The following WNK2 variants were observed in gnomAD, a reference collection of about 807,000 sequenced individuals.
WNK2 encodes the protein WNK lysine deficient protein kinase 2.
In WNK2, 67 loss-of-function variants were observed where a neutral mutation model predicts 192.1. The observed-to-expected ratio is 0.35, with a 90% CI of 0.29 to 0.43. The LOEUF (loss-of-function observed/expected upper bound fraction) is 0.43. Ranked by LOEUF, WNK2 falls within the 20% of genes least tolerant of loss-of-function variation. The probability of loss-of-function intolerance (pLI) is 1.00; values close to 1 mark genes in which losing one functional copy is unlikely to be tolerated. For synonymous variants in WNK2, 1,439 were observed against 1,393.9 expected (o/e 1.03, Z -0.72); for missense variants, 2,698 against 3,089.7 (o/e 0.87, Z 3.01).
chr9:93,270,831 T>G (rs1402426917), intron 19 of WNK2, among the ~76,000 whole-genome samples: 1 of 152,100 alleles, frequency 6.6e-6, no homozygotes, highest in Non-Finnish European at 1.5e-5. Context: ...GAACCATTCT[T>G]TATTTGAGGA....
intron 2 of WNK2, among the ~76,000 whole-genome samples, chr9:93,212,796 A>G (rs1835035971): frequency 6.6e-6 from 1 of 152,104 alleles, no homozygotes; most frequent in Non-Finnish European, 1.5e-5. Context: ...TTTAAAAGAG[A>G]GAGGAAGGTG....
intron 2 of WNK2, among the ~76,000 whole-genome samples, chr9:93,227,067 C>T (rs967080552): frequency 6.6e-6 from 1 of 151,716 alleles, no homozygotes; most frequent in African/African-American, 2.4e-5. Context: ...TAGCAGTGTG[C>T]CAGGTGGGGC....
chr9:93,255,088 C>T (rs1843096268), intron 9 of WNK2, among the ~76,000 whole-genome samples: 1 of 152,200 alleles, frequency 6.6e-6, no homozygotes, highest in Non-Finnish European at 1.5e-5. Flanking sequence ...GGTACAGTCA[C>T]CTTGGACCAG....
intron 2 of WNK2, among the ~76,000 whole-genome samples, chr9:93,186,103 G>A (rs1047957641): frequency 1.3e-5 from 2 of 152,192 alleles, no homozygotes; most frequent in African/African-American, 4.8e-5. Context: ...CCAGCAAGCC[G>A]TGGCTGCCCC....
At position 93,306,799 on chromosome 9, in the gene WNK2, C is replaced by T; in HGVS notation, c.6237C>T (p.Cys2079=). 1 of 1,614,074 alleles carries T rather than the reference C, an allele frequency of 6.2e-7. No homozygotes were observed. Among genetic ancestry groups the T allele is most frequent in the Non-Finnish European group, 8.5e-7 (1 of 1,179,890 alleles). The part of the protein sequence containing the change: ...VSIWSALKRL[C]LGKEHSSRSS... ...CAGGGTCTGCCCTGAAGCGTCTCTG[C>T]CTAGGCAAAGAACACAGCAGTAGTA... Residue 2079 remains cysteine (C), a synonymous_variant, in exon 27 of 30, where the codon TGC becomes TGT. Coordinates refer to ENST00000427277, the MANE Select transcript of WNK2 (RefSeq NM_006648.4).
At position 93,185,565 on chromosome 9, in the gene WNK2, G is replaced by A; in HGVS notation, c.636G>A (p.Gly212=). ...GRGSFKTVYK[G]LDTETWVEVA... ...GTTCCTTCAAGACGGTCTACAAGGG[G>A]CTGGACACGGAGACCTGGGTGGAGG... Residue 212 remains glycine, a synonymous_variant, in exon 2 of 30, where the codon GGG becomes GGA. Coordinates refer to ENST00000427277, the MANE Select transcript of WNK2 (RefSeq NM_006648.4). The A allele has an allele frequency of 6.2e-7, 1 of 1,612,822 alleles. No homozygotes were observed. The highest frequency in any genetic ancestry group is 8.5e-7 in the Non-Finnish European group (1 of 1,179,572).
rs146475760 is a variant in WNK2, at chr9:93,288,980, C to A, written c.4226C>A (p.Pro1409Gln). Residue 1409 changes from proline (P) to glutamine (Q), a missense_variant, in exon 20 of 30, where the codon CCA becomes CAA. By Grantham distance (76) the Pro-to-Gln change is moderately conservative. Around this residue, in one of 7 missense-constraint regions of WNK2, gnomAD observed 1,098 missense variants for 1,101.0 expected, o/e 1.00. Transcript: ENST00000427277. Reference sequence around the variant, plus strand: ...CCAGCCACCAGCACCATGCCAGAGCCAGCGTCAGGAACTGCCAGCCAGGCA... The same window carrying A: ...CCAGCCACCAGCACCATGCCAGAGCAAGCGTCAGGAACTGCCAGCCAGGCA... ...AAPATSTMPE[P>Q]ASGTASQAGG... 6.9e-4 allele frequency: 1,106 copies of A among 1,602,930 alleles called. 5 individuals are homozygous for A. The African/African-American group carries it at 0.013, about 19-fold the overall frequency.
chr9:93,216,674 G>C (rs942913273), intron 2 of WNK2, among the ~76,000 whole-genome samples: 6 of 151,758 alleles, frequency 4.0e-5, no homozygotes, highest in African/African-American at 1.5e-4. Flanking sequence ...AGCACCTGTG[G>C]TATCAGCTGC....
rs1224349286 is a variant in WNK2 at position 93,185,725 on chromosome 9, C to T, written c.681+115C>T. 4 of 1,211,104 alleles carry T rather than the reference C, an allele frequency of 3.3e-6. No individual in the cohort carries two copies. In the African/African-American group the frequency reaches 6.1e-5, roughly 18 times the overall value. 75.0% of individuals were successfully genotyped at this position (1,211,104 alleles called of 1,614,324 possible). A position where few individuals can be genotyped will look rare whatever the true frequency, so the allele number is the denominator to read the frequency against. On this transcript the variant is annotated intron_variant, in intron 2 of 29. Coordinates refer to ENST00000427277, the MANE Select transcript of WNK2 (RefSeq NM_006648.4). ...AAGAAGCCCTGGGGGCGGCGGGGCT[C>T]CATGTGTGTCACCCTCTGTGTGGAT...
chr9:93,312,213 T>C (rs1853789013), intron 28 of WNK2, among the ~76,000 whole-genome samples: 1 of 152,186 alleles, frequency 6.6e-6, no homozygotes, highest in Non-Finnish European at 1.5e-5. Context: ...TGCACGAAAG[T>C]TTTAAAATTT....
chr9:93,264,245 G>A lies in WNK2; in HGVS notation c.3696+212G>A, dbSNP rs548605334. On this transcript the variant is annotated intron_variant, in intron 16 of 29. Coordinates refer to ENST00000427277, the MANE Select transcript of WNK2 (RefSeq NM_006648.4). ...GGTTTGGAAGAACAGCTTGAAGGAT[G>A]TTCTAACCATTCTAAGATGCTGCTC... Among the ~76,000 whole-genome samples the A allele has an allele frequency of 5.9e-5, 9 of 152,314 alleles. No homozygotes were observed. The South Asian group carries it at 1.9e-3, about 32-fold the overall frequency.
chr9:93,227,268 C>A (rs1837981863), intron 2 of WNK2, among the ~76,000 whole-genome samples: 1 of 152,082 alleles, frequency 6.6e-6, no homozygotes, highest in South Asian at 2.1e-4. Context: ...CGCCCGCCAC[C>A]ACGCCCAGCT....
rs756043912 is a variant in WNK2 at position 93,299,073 on chromosome 9, A to G, written c.5927A>G (p.His1976Arg). 5.6e-6 allele frequency: 9 copies of G among 1,609,536 alleles called. No homozygotes were observed. The South Asian group carries it at 8.8e-5, about 16-fold the overall frequency. Reference protein sequence around the residue: ...QLKVVASSTGHLADSSRGPPA... With the variant: ...QLKVVASSTGRLADSSRGPPA... The stretch of plus-strand genomic sequence containing the variant: ...CGCCTCTTCTCCCCCCGCCCAGGTC[A>G]CTTGGCTGACTCCAGCAGAGGCCCT... Residue 1976 changes from histidine (H) to arginine (R), a missense_variant, in exon 25 of 30, where the codon CAC becomes CGC. Coordinates refer to ENST00000427277, the MANE Select transcript of WNK2 (RefSeq NM_006648.4).
rs182468961 is a variant in WNK2 at position 93,256,144 on chromosome 9, A to T, written c.2035-155A>T. 3.9e-5 allele frequency among the ~76,000 whole-genome samples: 6 copies of T among 152,264 alleles called. No homozygotes were observed. The East Asian group carries it at 7.7e-4, about 20-fold the overall frequency. The stretch of plus-strand genomic sequence containing the variant: ...CCCTTCACTGTTGTGAATGATGCCC[A>T]GGGCTCCCTCACTGCTTCTGCTGTC... On this transcript the variant is annotated intron_variant, in intron 9 of 29. Coordinates refer to ENST00000427277, the MANE Select transcript of WNK2 (RefSeq NM_006648.4).
intron 2 of WNK2, among the ~76,000 whole-genome samples, chr9:93,212,696 A>C (rs1219920222): frequency 6.6e-6 from 1 of 152,156 alleles, no homozygotes; most frequent in Non-Finnish European, 1.5e-5. Flanking sequence ...CATAGGACTG[A>C]GCCCTCAGGG....
intron 7 of WNK2, among the ~76,000 whole-genome samples, chr9:93,240,688 G>A (rs1468519509): frequency 1.3e-5 from 2 of 152,180 alleles, no homozygotes; most frequent in Non-Finnish European, 2.9e-5. Context: ...CGCTGACGAT[G>A]CCAGGGGGTC....
At chr9:93,306,637 G>T (rs1188601457) in intron 26 of WNK2, 140 bp from the exon 27 acceptor site, 3 of 1,092,432 alleles carry the variant, frequency 2.7e-6, no homozygotes, top group Non-Finnish European at 4.2e-6. Flanking sequence ...CCCCCGGCCG[G>T]GTCGGCCCTC....
At chr9:93,296,414 C>T (rs151179209) in intron 23 of WNK2, among the ~76,000 whole-genome samples, 1 of 10,402 alleles carries the variant, frequency 9.6e-5, no homozygotes, top group African/African-American at 5.4e-4. Flanking sequence ...CCTTCCTCCC[C>T]CTCCATCCTC....
At position 93,208,857 on chromosome 9, in the gene WNK2, C is replaced by T. The variant is rs867744590; in HGVS notation, c.682-20839C>T. On this transcript the variant is annotated intron_variant, in intron 2 of 29. Transcript: ENST00000427277. ...GTGTTCTGTGAATGCATGTGTCTTC[C>T]GTGTGTACAGGTTCTGTGAGTATGC... Among the ~76,000 whole-genome samples the T allele has an allele frequency of 1.5e-3, 108 of 71,606 alleles. 1 individual carries two copies. Among genetic ancestry groups the T allele is most frequent in the African/African-American group, 5.0e-3 (95 of 18,948 alleles). The allele number at this position is 71,606 out of a possible 152,430, so 47.0% of individuals were successfully genotyped here. A position where few individuals can be genotyped will look rare whatever the true frequency, so the allele number is the denominator to read the frequency against.
Sources: allele counts gnomAD v4.1 joint callset (sites outside exome capture counted in the v4.1 genomes callset), GRCh38; gene constraint gnomAD v4.1.1; regional missense constraint gnomAD v4.1.1; transcripts MANE v1.5; gene names NCBI Gene and HGNC (gene_info 2026-07-23, HGNC 2026-07-21).